Variants in LAMTOR3 observed in about 807,000 individuals in gnomAD.
LAMTOR3 encodes the protein late endosomal/lysosomal adaptor, MAPK and MTOR activator 3, also known as ragulator complex protein LAMTOR3.
A neutral mutation model predicts 20.3 loss-of-function variants in LAMTOR3; 14 were observed. The observed-to-expected ratio is 0.69, with a 90% confidence interval of 0.46 to 1.08. The LOEUF is 1.08. Ranked by LOEUF, LAMTOR3 falls within the 50% of genes least tolerant of loss-of-function variation. The probability of loss-of-function intolerance (pLI) is 0.00; values close to 1 mark genes in which losing one functional copy is unlikely to be tolerated. For missense variants in LAMTOR3, 125 were observed against 143.7 expected (o/e 0.87, Z 0.67); for synonymous variants, 40 against 49.4 (o/e 0.81, Z 0.80).
intron 3 of LAMTOR3, among the ~76,000 whole-genome samples, chr4:99,891,646 G>A (rs570655233): frequency 1.3e-5 from 2 of 152,204 alleles, no homozygotes; most frequent in South Asian, 4.1e-4. Flanking sequence ...GAGGAAACTG[G>A]CCAACAAAGA....
intron 3 of LAMTOR3, among the ~76,000 whole-genome samples, chr4:99,888,546 T>C (rs930477240): frequency 1.3e-5 from 2 of 152,218 alleles, no homozygotes; most frequent in Non-Finnish European, 2.9e-5. Context: ...AACTATCTTA[T>C]GGTATCTATA....
At chr4:99,884,170 GGTA>G (rs778863942) in intron 5 of LAMTOR3, 45 bp from the exon 6 acceptor site, 1 of 1,444,130 alleles carries the variant, frequency 6.9e-7, no homozygotes, top group Non-Finnish European at 9.7e-7. Context: ...ATTATGAAAA[GGTA>G]GTATAACTAA....
intron 6 of LAMTOR3, among the ~76,000 whole-genome samples, chr4:99,882,814 G>A (rs1273689240): frequency 6.6e-6 from 1 of 151,920 alleles, no homozygotes; most frequent in African/African-American, 2.4e-5. Flanking sequence ...AAAATAAATG[G>A]TAGAGTACAA....
chr4:99,889,814 G>C (rs1222743593), intron 3 of LAMTOR3, among the ~76,000 whole-genome samples: 1 of 152,104 alleles, frequency 6.6e-6, no homozygotes, highest in African/African-American at 2.4e-5. Context: ...AGAAAAATTA[G>C]TGCCACCACA....
At chr4:99,883,021 A>G (rs897154315) in intron 6 of LAMTOR3, among the ~76,000 whole-genome samples, 1 of 152,070 alleles carries the variant, frequency 6.6e-6, no homozygotes, top group Non-Finnish European at 1.5e-5. Context: ...TCCAAGTACT[A>G]AAATATTGTT....
chr4:99,884,035 A>C, intron 6 of LAMTOR3, 27 bp downstream of exon 6: 1 of 1,459,932 alleles, frequency 6.8e-7, no homozygotes. Context: ...TAAGGATTAA[A>C]GTGATATTTA....
chr4:99,891,993 T>C lies in LAMTOR3; in HGVS notation c.44+7A>G, dbSNP rs758604732. On this transcript the variant is annotated splice_region_variant and intron_variant, in intron 3 of 6. Transcript: ENST00000499666. ...ATTTATTCAATAACAAATTAAAAAT[T>C]TCTTACCTTGGTAACTTTTTATACA... is the stretch of plus-strand genomic sequence containing the variant. The C allele has an allele frequency of 1.9e-6, 3 of 1,567,012 alleles. No individual in the cohort carries two copies. The highest frequency in any genetic ancestry group is 4.7e-5 in the East Asian group (2 of 42,386).
chr4:99,885,756 CTT>C, intron 4 of LAMTOR3, 81 bp from the exon 5 acceptor site: 1 of 1,201,184 alleles, frequency 8.3e-7, no homozygotes, highest in Non-Finnish European at 1.2e-6. Context: ...TCATAAACCT[CTT>C]TTTAAAATTG....
intron 4 of LAMTOR3, 74 bp from the exon 5 acceptor site, chr4:99,885,749 T>C (rs1337302739): frequency 7.9e-7 from 1 of 1,258,972 alleles, no homozygotes; most frequent in African/African-American, 1.5e-5. Context: ...TTTTTTTTCA[T>C]AAACCTCTTT....
Position 99,893,970 on chromosome 4 carries a change from C to T in LAMTOR3, c.-7G>A, listed in dbSNP as rs567621212. On this transcript the variant is annotated 5_prime_UTR_variant, in exon 2 of 7. Transcript: ENST00000499666. ...TGTCACTCACATCCGCCATGATGAA[C>T]CCCCTTCTCTCGCAGGATCAATCTC... The T allele has an allele frequency of 1.3e-6, 2 of 1,550,826 alleles. No individual in the cohort carries two copies. Among genetic ancestry groups the T allele is most frequent in the Non-Finnish European group, 1.7e-6 (2 of 1,144,872 alleles).
At chr4:99,892,916 G>A (rs1198923410) in intron 2 of LAMTOR3, among the ~76,000 whole-genome samples, 2 of 152,152 alleles carry the variant, frequency 1.3e-5, no homozygotes, top group Non-Finnish European at 2.9e-5. Flanking sequence ...CTGACCTCAG[G>A]TGATCCACCC....
chr4:99,887,283 T>C lies in LAMTOR3; in HGVS notation c.103+13A>G. 1.3e-6 allele frequency: 2 copies of C among 1,534,690 alleles called. No homozygotes were observed. The highest frequency in any genetic ancestry group is 1.8e-6 in the Non-Finnish European group (2 of 1,128,028). On this transcript the variant is annotated intron_variant, in intron 4 of 6. Coordinates refer to ENST00000499666, the MANE Select transcript of LAMTOR3 (RefSeq NM_021970.4). ...AGCAAAGAAGACATTTGCATTTAAA[T>C]GTTCAGTTTTACCTTTAATAACAGG...
At chr4:99,894,441 C>T (rs1220693259), upstream of LAMTOR3, 2 of 153,186 alleles carry the variant, frequency 1.3e-5, no homozygotes, top group Non-Finnish European at 2.9e-5. Flanking sequence ...CTCGTCTGCG[C>T]TCCAGGAAGC....
rs1724822467 is a variant in LAMTOR3, at chr4:99,881,265, A to C, written c.*729T>G. ...ATATGAAAAAAATGGCTGTACTATC[A>C]TGTTTACATACATACTAACATTGGA... On this transcript the variant is annotated 3_prime_UTR_variant, in exon 7 of 7. Transcript: ENST00000499666. The C allele has an allele frequency of 1.3e-5, 2 of 152,250 alleles. No individual in the cohort carries two copies. The highest frequency in any genetic ancestry group is 4.8e-5 in the African/African-American group (2 of 41,464). 9.4% of individuals were successfully genotyped at this position (152,250 alleles called of 1,614,324 possible). A position where few individuals can be genotyped will look rare whatever the true frequency, so the allele number is the denominator to read the frequency against.
intron 3 of LAMTOR3, among the ~76,000 whole-genome samples, chr4:99,890,492 C>G (rs1725002780): frequency 6.6e-6 from 1 of 152,156 alleles, no homozygotes; most frequent in Admixed American, 6.6e-5. Flanking sequence ...CATCTAGCAA[C>G]AAATCAAAGC....
chr4:99,885,612 G>A lies in LAMTOR3; in HGVS notation c.167C>T (p.Ala56Val). Residue 56 changes from alanine (A) to valine (V), a missense_variant, in exon 5 of 7, where the codon GCA becomes GTA. This residue lies in a region of LAMTOR3 where 99 missense variants were observed against 96.0 expected (regional missense o/e 1.03). Coordinates refer to ENST00000499666, the MANE Select transcript of LAMTOR3 (RefSeq NM_021970.4). The part of the protein sequence containing the change: ...RPGFLSTFAL[A>V]TDQGSKLGLS... ...TCCAAGTTTGCTTCCTTGGTCTGTT[G>A]CAAGGGCAAAAGTGGATAAGAAACC... The A allele has an allele frequency of 6.2e-7, 1 of 1,613,434 alleles. No homozygotes were observed. Among genetic ancestry groups the A allele is most frequent in the Non-Finnish European group, 8.5e-7 (1 of 1,179,516 alleles).
chr4:99,882,434 AC>A (rs1287490431), intron 6 of LAMTOR3, among the ~76,000 whole-genome samples: 1 of 152,082 alleles, frequency 6.6e-6, no homozygotes, highest in Non-Finnish European at 1.5e-5. Context: ...CTGTACTATA[AC>A]CCTAAATAAA....
chr4:99,893,811 T>TATC (rs1213035062), intron 2 of LAMTOR3, 144 bp downstream of exon 2: 11 of 549,140 alleles, frequency 2.0e-5, no homozygotes, highest in African/African-American at 1.9e-4. Context: ...CCACTTCAGA[T>TATC]ATCAGAGAAA....
At chr4:99,891,958 G>A in intron 3 of LAMTOR3, 42 bp downstream of exon 3, 1 of 1,551,776 alleles carries the variant, frequency 6.4e-7, no homozygotes, top group Non-Finnish European at 8.6e-7. Flanking sequence ...ATTAACATAT[G>A]GCATATAGAA....
Sources: allele counts gnomAD v4.1 joint callset (sites outside exome capture counted in the v4.1 genomes callset), GRCh38; gene constraint gnomAD v4.1.1; regional missense constraint gnomAD v4.1.1; transcripts MANE v1.5; gene names NCBI Gene and HGNC (gene_info 2026-07-23, HGNC 2026-07-21).